The following PROCA1 variants were observed in gnomAD, a reference collection of about 807,000 sequenced individuals.
PROCA1 encodes protein PROCA1.
Under a neutral mutation model 23.2 loss-of-function variants are expected in PROCA1, and 22 were observed. The ratio of observed to expected loss-of-function variants is 0.95; its 90% CI spans 0.68 to 1.35. The LOEUF (loss-of-function observed/expected upper bound fraction) is 1.35. PROCA1 is among the 40% of genes most tolerant of loss of function. The pLI is 0.00. For synonymous variants in PROCA1, 182 were observed against 179.2 expected (o/e 1.02, Z -0.12); for missense variants, 469 against 459.8 (o/e 1.02, Z -0.18).
chr17:28,711,637 T>A lies in PROCA1; in HGVS notation c.24A>T (p.Thr8=), dbSNP rs2032792813. Residue 8 remains threonine, a synonymous_variant, in exon 1 of 5, where the codon ACA becomes ACT. Transcript: ENST00000682792. The part of the protein sequence containing the change: MWVRTTL[T]IERWTKEKTE... ...TCTTTTCCTTAGTCCATCTTTCAAT[T>A]GTGAGCGTCGTCCTGACCCACATCG... The A allele has an allele frequency of 6.2e-7, 1 of 1,612,764 alleles. No individual in the cohort carries two copies. Among genetic ancestry groups the A allele is most frequent in the Non-Finnish European group, 8.5e-7 (1 of 1,179,574 alleles).
Position 28,704,195 on chromosome 17 carries a change from G to A in PROCA1, c.458C>T (p.Pro153Leu). The A allele has an allele frequency of 6.5e-7, 1 of 1,548,376 alleles. No homozygotes were observed. The highest frequency in any genetic ancestry group is 8.7e-7 in the Non-Finnish European group (1 of 1,150,036). Residue 153 changes from proline (P) to leucine (L), a missense_variant, in exon 5 of 5, where the codon CCT becomes CTT. Pro to Leu is a moderately conservative substitution (Grantham distance 98). Transcript: ENST00000682792. ...FRYGWCKSYR[P>L]VSVAVIHHPL... is the part of the protein sequence containing the mutation. ...ATGGTGGATCACTGCCACAGAGACAGGTCTGTAGCTTTTGCACCTGGGAGA... is the reference window on the plus strand; with the variant it reads ...ATGGTGGATCACTGCCACAGAGACAAGTCTGTAGCTTTTGCACCTGGGAGA...
At chr17:28,710,978 T>TGGGAAGGTAGGGAAGGAGTAGGGC in intron 1 of PROCA1, 2 of 312,604 alleles carry the variant, frequency 6.4e-6, no homozygotes, top group Non-Finnish European at 8.8e-6. Flanking sequence ...AGGAGTAGGG[T>TGGGAAGGTAGGGAAGGAGTAGGGC]GGGAAGGGAG....
intron 1 of PROCA1, chr17:28,707,718 C>CT (rs2032584691): frequency 6.6e-6 from 1 of 152,242 alleles, no homozygotes; most frequent in Admixed American, 6.5e-5. Context: ...ACAAAACACT[C>CT]TGTCAATCCT....
At chr17:28,711,200 G>T in intron 1 of PROCA1, 1 of 1,152,124 alleles carries the variant, frequency 8.7e-7, no homozygotes, top group Non-Finnish European at 1.1e-6. Flanking sequence ...CCCGGCGTCC[G>T]GGTGGGCGCT....
At position 28,704,344 on chromosome 17, in the gene PROCA1, G is replaced by T; in HGVS notation, c.403C>A (p.Pro135Thr). 6.2e-7 allele frequency: 1 copy of T among 1,614,092 alleles called. No individual in the cohort carries two copies. ...VIESPCFELT[P>T]EEEHVERFRY... ...AATCGCTCCACATGCTCCTCCTCCG[G>T]TGTGAGCTCAAAGCAAGGGGACTCG... Residue 135 changes from proline to threonine, a missense_variant, in exon 4 of 5, where the codon CCG becomes ACG. Coordinates refer to ENST00000682792, the MANE Select transcript of PROCA1 (RefSeq NM_001366301.1).
intron 1 of PROCA1, among the ~76,000 whole-genome samples, chr17:28,708,437 CTT>C (rs2032625193): frequency 6.6e-6 from 1 of 152,206 alleles, no homozygotes; most frequent in South Asian, 2.1e-4. Context: ...GCTGTCTCCT[CTT>C]GTTTTGTTGT....
At position 28,704,074 on chromosome 17, in the gene PROCA1, G is replaced by T. The variant is rs768910211; in HGVS notation, c.579C>A (p.Pro193=). The change falls in exon 5 of 5, where the codon CCC becomes CCA. Residue 193 remains proline, a synonymous_variant. Coordinates refer to ENST00000682792, the MANE Select transcript of PROCA1 (RefSeq NM_001366301.1). ...SKPPIPTQVG[P]ATASPDLGTS... ...TGCCTAGGTCAGGGGAGGCGGTGGC[G>T]GGCCCCACCTGTGTCGGGATGGGGG... The T allele has an allele frequency of 1.4e-5, 22 of 1,595,598 alleles. No homozygotes were observed. The highest frequency in any genetic ancestry group is 1.8e-5 in the Non-Finnish European group (21 of 1,174,142).
chr17:28,711,299 T>A, intron 1 of PROCA1: 1 of 584,572 alleles, frequency 1.7e-6, no homozygotes, highest in Non-Finnish European at 2.7e-6. Flanking sequence ...GTTCCAGCTC[T>A]GGCTGGAACC....
intron 2 of PROCA1, chr17:28,705,195 AG>A (rs1293807168): frequency 4.1e-6 from 1 of 241,548 alleles, no homozygotes; most frequent in African/African-American, 2.3e-5. Context: ...TGGTAGGAGA[AG>A]GCCCTCCTGC....
chr17:28,708,063 G>A (rs1459286256), intron 1 of PROCA1, among the ~76,000 whole-genome samples: 3 of 152,212 alleles, frequency 2.0e-5, no homozygotes, highest in Non-Finnish European at 4.4e-5. Context: ...AGGCTGGAGT[G>A]CAGTGGTGGG....
chr17:28,704,159 T>C lies in PROCA1; in HGVS notation c.494A>G (p.His165Arg), dbSNP rs1424111191. 1.9e-6 allele frequency: 3 copies of C among 1,546,556 alleles called. No individual in the cohort carries two copies. The highest frequency in any genetic ancestry group is 2.2e-5 in the East Asian group (1 of 44,484). ...ATTTAGATCATCTGCCCCACACTCA[T>C]GGTAGAGTGGATGGTGGATCACTGC... is the stretch of plus-strand genomic sequence containing the variant. The part of the protein sequence containing the change: ...SVAVIHHPLY[H>R]ECGADDLNEE... Residue 165 changes from histidine to arginine, a missense_variant, in exon 5 of 5, where the codon CAT (histidine) becomes CGT (arginine). Coordinates refer to ENST00000682792, the MANE Select transcript of PROCA1 (RefSeq NM_001366301.1).
Position 28,704,385 on chromosome 17 carries a change from G to C in PROCA1, c.362C>G (p.Thr121Ser). The C allele has an allele frequency of 6.2e-7, 1 of 1,614,086 alleles. No individual in the cohort carries two copies. Among genetic ancestry groups the C allele is most frequent in the Non-Finnish European group, 8.5e-7 (1 of 1,180,018 alleles). ...AGGGGACTCGATGACATGGGAGCAG[G>C]TTGGGCCCGCGCCCCGGGAGCTGCT... ...DSSSSRGAGPTCSHVIESPCF... is the reference protein window; with the variant it reads ...DSSSSRGAGPSCSHVIESPCF... The change falls in exon 4 of 5, where the codon ACC becomes AGC. Residue 121 changes from threonine (T) to serine (S), a missense_variant. Thr to Ser is a moderately conservative substitution (Grantham distance 58). Transcript: ENST00000682792.
At position 28,703,912 on chromosome 17, in the gene PROCA1, C is replaced by T; in HGVS notation, c.741G>A (p.Glu247=). 6.2e-7 allele frequency: 1 copy of T among 1,613,992 alleles called. No homozygotes were observed. ...TCAGCTTTGCCTTCTCATCCATCTC[C>T]TCCTTGTCTTTCTCTTTTTCCTTTT... ...KKKKEKEKDK[E]EMDEKAKLKK... is the part of the protein sequence containing the mutation. The change falls in exon 5 of 5, where the codon GAG becomes GAA. Residue 247 remains glutamate, a synonymous_variant. Transcript: ENST00000682792.
chr17:28,706,638 G>T (rs1354271115), intron 2 of PROCA1, 42 bp downstream of exon 2: 4 of 1,255,178 alleles, frequency 3.2e-6, no homozygotes, highest in Non-Finnish European at 2.1e-6. Flanking sequence ...CCCAGGTGAG[G>T]GGTGATGAGG....
chr17:28,706,745 C>G lies in PROCA1; in HGVS notation c.110G>C (p.Ser37Thr). The change falls in exon 2 of 5, where the codon AGC becomes ACC. Residue 37 changes from serine to threonine, a missense_variant. Ser to Thr is a moderately conservative substitution (Grantham distance 58, BLOSUM62 1). Coordinates refer to ENST00000682792, the MANE Select transcript of PROCA1 (RefSeq NM_001366301.1). The part of the protein sequence containing the change: ...SRCRDVNRLP[S>T]WERGHLLAGV... ...AGCCAGCAGATGTCCTCTCTCCCAG[C>G]TGGGTAACCTGTTTACATCTGAGAG... 1 of 1,303,762 alleles carries G rather than the reference C, an allele frequency of 7.7e-7. No individual in the cohort carries two copies. The highest frequency in any genetic ancestry group is 1.0e-6 in the Non-Finnish European group (1 of 988,882). 80.8% of individuals were successfully genotyped at this position (1,303,762 alleles called of 1,614,324 possible).
intron 1 of PROCA1, among the ~76,000 whole-genome samples, chr17:28,710,470 G>A (rs1174213103): frequency 7.1e-6 from 1 of 141,140 alleles, no homozygotes; most frequent in East Asian, 2.1e-4. Context: ...TTGCGCCACT[G>A]CACTCCAGCC....
chr17:28,704,955 A>C lies in PROCA1; in HGVS notation c.176-112T>G, dbSNP rs1449474875. The C allele has an allele frequency of 1.2e-5, 12 of 1,023,818 alleles. No individual in the cohort carries two copies. In the Admixed American group the frequency reaches 2.4e-4, roughly 20 times the overall value. 63.4% of individuals were successfully genotyped at this position (1,023,818 alleles called of 1,614,324 possible). ...CCTGCCACCACCAGCTGTCCACCCC[A>C]AGAAGTGTTTCTGCTTCAGTAGTAG... On this transcript the variant is annotated intron_variant, in intron 2 of 4. Coordinates refer to ENST00000682792, the MANE Select transcript of PROCA1 (RefSeq NM_001366301.1).
At chr17:28,711,067 C>A in intron 1 of PROCA1, 1 of 1,181,732 alleles carries the variant, frequency 8.5e-7, no homozygotes, top group South Asian at 1.6e-5. Flanking sequence ...AGGGGCAGTG[C>A]GCCCGCGTCT....
At position 28,711,189 on chromosome 17, in the gene PROCA1, C is replaced by T. The variant is rs374897705; in HGVS notation, c.91+381G>A. 6.9e-6 allele frequency: 8 copies of T among 1,165,196 alleles called. No individual in the cohort carries two copies. The East Asian group carries it at 3.9e-4, about 56-fold the overall frequency. The allele number at this position is 1,165,196 out of a possible 1,614,324, so 72.2% of individuals were successfully genotyped here. Reference sequence around the variant, plus strand: ...GGGTCGATGGAACCGCCCGCTCCCGCCCCGGCGTCCGGGTGGGCGCTGGTC... The same window carrying T: ...GGGTCGATGGAACCGCCCGCTCCCGTCCCGGCGTCCGGGTGGGCGCTGGTC... On this transcript the variant is annotated intron_variant, in intron 1 of 4. Coordinates refer to ENST00000682792, the MANE Select transcript of PROCA1 (RefSeq NM_001366301.1).
Sources: gnomAD v4.1 joint callset for allele counts (sites outside exome capture counted in the v4.1 genomes callset) on GRCh38, gnomAD v4.1.1 for gene constraint, MANE v1.5 for transcripts, NCBI Gene and HGNC (gene_info 2026-07-23, HGNC 2026-07-21) for gene names.